MEF2C: variants seen among roughly 807,000 people sequenced by gnomAD.
MEF2C encodes the protein myocyte-specific enhancer factor 2C.
Under a neutral mutation model 50.5 loss-of-function variants are expected in MEF2C, and 6 were observed. The observed-to-expected ratio is 0.12, with a 90% confidence interval of 0.07 to 0.23. MEF2C has a LOEUF of 0.23. Ranked by LOEUF, MEF2C falls within the 10% of genes least tolerant of loss-of-function variation. The probability of loss-of-function intolerance (pLI) is 1.00; values close to 1 mark genes in which losing one functional copy is unlikely to be tolerated. For synonymous variants in MEF2C, 183 were observed against 228.0 expected (o/e 0.80, Z 1.78); for missense variants, 276 against 605.0 (o/e 0.46, Z 5.70).
intron 4 of MEF2C, among the ~76,000 whole-genome samples, chr5:88,757,556 C>T (rs1398671806): frequency 6.6e-6 from 1 of 152,118 alleles, no homozygotes; most frequent in African/African-American, 2.4e-5. Context: ...TCTAACTTCT[C>T]GGTCCTTTTT....
At chr5:88,853,131 C>T (rs539885142) in intron 1 of MEF2C, among the ~76,000 whole-genome samples, 4 of 152,068 alleles carry the variant, frequency 2.6e-5, no homozygotes, top group East Asian at 3.9e-4. Context: ...CGCTGAGGTG[C>T]GAGGATCACT....
At chr5:88,776,630 G>T (rs747706934) in intron 3 of MEF2C, among the ~76,000 whole-genome samples, 2 of 152,130 alleles carry the variant, frequency 1.3e-5, no homozygotes, top group African/African-American at 2.4e-5. Context: ...AATACTGGAA[G>T]GGGGAGAGGA....
intron 1 of MEF2C, among the ~76,000 whole-genome samples, chr5:88,879,834 T>A (rs187389744): frequency 1.3e-5 from 2 of 152,282 alleles, no homozygotes; most frequent in African/African-American, 4.8e-5. Flanking sequence ...TATGCTTATC[T>A]AAGCAATCAT....
chr5:88,728,642 T>C lies in MEF2C; in HGVS notation c.965-14A>G. 2 of 1,365,618 alleles carry C rather than the reference T, an allele frequency of 1.5e-6. No homozygotes were observed. Among genetic ancestry groups the C allele is most frequent in the Non-Finnish European group, 1.9e-6 (2 of 1,048,810 alleles). The allele number at this position is 1,365,618 out of a possible 1,614,324, so 84.6% of individuals were successfully genotyped here. On this transcript the variant is annotated splice_polypyrimidine_tract_variant and intron_variant, in intron 9 of 10. Coordinates refer to ENST00000504921, the MANE Select transcript of MEF2C (RefSeq NM_002397.5). The stretch of plus-strand genomic sequence containing the variant: ...TCAGAGAGTACTCTAGATTAAAGAA[T>C]AAAACAACAAGGGAAAATATTAAAT...
At chr5:88,783,881 G>A (rs1346214560) in intron 3 of MEF2C, among the ~76,000 whole-genome samples, 1 of 151,868 alleles carries the variant, frequency 6.6e-6, no homozygotes, top group Admixed American at 6.6e-5. Context: ...TATTTCTCCT[G>A]GCATCAATAT....
chr5:88,868,797 G>A (rs1323033370), intron 1 of MEF2C, among the ~76,000 whole-genome samples: 1 of 152,060 alleles, frequency 6.6e-6, no homozygotes. Flanking sequence ...ATAAAAAGTC[G>A]AGTTATCTGA....
chr5:88,839,006 C>G (rs1037708086), intron 1 of MEF2C, among the ~76,000 whole-genome samples: 1 of 151,938 alleles, frequency 6.6e-6, no homozygotes, highest in Non-Finnish European at 1.5e-5. Context: ...ACATAATTGG[C>G]GATATATTTA....
At chr5:88,872,061 TA>T (rs1829688329) in intron 1 of MEF2C, among the ~76,000 whole-genome samples, 1 of 151,972 alleles carries the variant, frequency 6.6e-6, no homozygotes, top group African/African-American at 2.4e-5. Flanking sequence ...ATATAAAGAC[TA>T]AAAGAACACA....
intron 6 of MEF2C, chr5:88,734,594 T>TTTTTTTTTTTTTTC (rs1763306981): frequency 1.4e-6 from 1 of 729,728 alleles, no homozygotes; most frequent in Non-Finnish European, 1.6e-6. Context: ...TTTTTTTTTT[T>TTTTTTTTTTTTTTC]TTTTAGCATT....
At chr5:88,855,030 A>G (rs544303062) in intron 1 of MEF2C, among the ~76,000 whole-genome samples, 23 of 152,342 alleles carry the variant, frequency 1.5e-4, no homozygotes, top group African/African-American at 5.3e-4. Flanking sequence ...TGCACAATAA[A>G]GGAGACAAGC....
chr5:88,860,800 T>A (rs367800109), intron 1 of MEF2C, among the ~76,000 whole-genome samples: 1 of 152,058 alleles, frequency 6.6e-6, no homozygotes, highest in East Asian at 1.9e-4. Context: ...TGACTACACA[T>A]TGGAGAAAAA....
At chr5:88,900,617 A>G (rs1835555412) in intron 1 of MEF2C, among the ~76,000 whole-genome samples, 1 of 151,958 alleles carries the variant, frequency 6.6e-6, no homozygotes, top group Admixed American at 6.6e-5. Context: ...TATTTTTTAG[A>G]ACTACATTTT....
chr5:88,849,719 TTTTAA>T (rs1481735483), intron 1 of MEF2C, among the ~76,000 whole-genome samples: 12 of 152,170 alleles, frequency 7.9e-5, no homozygotes, highest in Admixed American at 5.9e-4. Context: ...CTAGATCCAT[TTTTAA>T]TTTAATAATT....
intron 2 of MEF2C, among the ~76,000 whole-genome samples, chr5:88,818,025 G>A (rs183042240): frequency 3.0e-4 from 45 of 152,006 alleles, no homozygotes; most frequent in African/African-American, 1.1e-3. Context: ...GCATTCAAGT[G>A]TTCTATCCCA....
At chr5:88,755,074 C>T (rs1169545497) in intron 4 of MEF2C, among the ~76,000 whole-genome samples, 4 of 152,134 alleles carry the variant, frequency 2.6e-5, no homozygotes, top group African/African-American at 7.2e-5. Context: ...CTTCTTTCTC[C>T]TTGGTTATAA....
chr5:88,804,452 T>C, intron 3 of MEF2C, 146 bp downstream of exon 3: 1 of 658,038 alleles, frequency 1.5e-6, no homozygotes, highest in South Asian at 2.2e-5. Flanking sequence ...GAGTAAGAGT[T>C]GCGATAGATA....
At chr5:88,843,811 T>G (rs929738205) in intron 1 of MEF2C, among the ~76,000 whole-genome samples, 20 of 150,692 alleles carry the variant, frequency 1.3e-4, no homozygotes, top group African/African-American at 4.6e-4. Flanking sequence ...GAAACTTTTT[T>G]TTTTTTTTTT....
chr5:88,836,610 C>T (rs919393470), intron 1 of MEF2C, among the ~76,000 whole-genome samples: 3 of 152,278 alleles, frequency 2.0e-5, no homozygotes, highest in East Asian at 1.9e-4. Flanking sequence ...AGGACAGGCA[C>T]GCTGCAGAGG....
At chr5:88,749,144 CGA>C (rs780834172) in intron 5 of MEF2C, 27 bp from the exon 6 acceptor site, 1 of 1,550,134 alleles carries the variant, frequency 6.5e-7, no homozygotes, top group Admixed American at 2.0e-5. Flanking sequence ...AAGATCAAAA[CGA>C]GAAAGGCTAA....
Sources: gnomAD v4.1 joint callset for allele counts (sites outside exome capture counted in the v4.1 genomes callset) on GRCh38, gnomAD v4.1.1 for gene constraint, MANE v1.5 for transcripts, NCBI Gene and HGNC (gene_info 2026-07-23, HGNC 2026-07-21) for gene names.